CACNB1: variants seen among roughly 807,000 people sequenced by gnomAD.
CACNB1 encodes calcium voltage-gated channel auxiliary subunit beta 1.
A neutral mutation model predicts 71.6 loss-of-function variants in CACNB1; 29 were observed. The observed-to-expected ratio is 0.40, with a 90% CI of 0.30 to 0.55. The LOEUF (loss-of-function observed/expected upper bound fraction) is 0.55. Among genes scored for constraint, CACNB1 ranks in the 20% least tolerant of loss-of-function variants. The pLI is 0.38. For missense variants in CACNB1, 623 were observed against 801.8 expected (o/e 0.78, Z 2.69); for synonymous variants, 300 against 319.6 (o/e 0.94, Z 0.65).
chr17:39,184,437 C>T (rs574533699), intron 8 of CACNB1, 54 bp from the exon 9 acceptor site: 9 of 985,782 alleles, frequency 9.1e-6, no homozygotes, highest in South Asian at 6.9e-5. Context: ...CATTTAAAGC[C>T]GCTCAGACTC....
rs1266261156 is a variant in CACNB1, at chr17:39,194,681, G to A, written c.171+203C>T. ...GGTGCCTGGTGCTGGGGGAGGGGCC[G>A]GGCAGGGGCGGGGGCTGAGCGAGTG... On this transcript the variant is annotated intron_variant, in intron 2 of 13. Transcript: ENST00000394303. The surrounding 1 kb of genome is among the most constrained non-coding windows in gnomAD (Gnocchi z 4.6). Among the ~76,000 whole-genome samples, 2 of 152,050 alleles carry A rather than the reference G, an allele frequency of 1.3e-5. No homozygotes were observed. The highest frequency in any genetic ancestry group is 4.8e-5 in the African/African-American group (2 of 41,394).
At chr17:39,177,171 T>C in intron 13 of CACNB1, 179 bp downstream of exon 13, 1 of 1,443,268 alleles carries the variant, frequency 6.9e-7, no homozygotes, top group Non-Finnish European at 9.1e-7. Flanking sequence ...AATAAAGCTC[T>C]TCCCTTCCTC....
At position 39,186,382 on chromosome 17, in the gene CACNB1, G is replaced by C. The variant is rs528189712; in HGVS notation, c.628+114C>G. On this transcript the variant is annotated intron_variant, in intron 6 of 13. Transcript: ENST00000394303. This position sits in a 1 kb window ranked among gnomAD's most constrained non-coding sequence, Gnocchi z 4.1. ...GGAGGGGGAACCACTGCATGTGCTT[G>C]GGGGACTCAGGATTGGGGTGTTTCC... is the stretch of plus-strand genomic sequence containing the variant. 7 of 753,534 alleles carry C rather than the reference G, an allele frequency of 9.3e-6. No individual in the cohort carries two copies. Among genetic ancestry groups the C allele is most frequent in the Non-Finnish European group, 1.5e-5 (7 of 452,016 alleles). 46.7% of individuals were successfully genotyped at this position (753,534 alleles called of 1,614,324 possible). A position where few individuals can be genotyped will look rare whatever the true frequency, so the allele number is the denominator to read the frequency against.
In CACNB1 at chr17:39,174,981, C is replaced by T. The variant is rs1454945065; in HGVS notation, c.*212G>A. ...GAAAGGTGGGTATCCCCCATCCATCCACAACAGGCAGGTAAAAACCGACAG... is the reference window on the plus strand; with the variant it reads ...GAAAGGTGGGTATCCCCCATCCATCTACAACAGGCAGGTAAAAACCGACAG... On this transcript the variant is annotated 3_prime_UTR_variant, in exon 14 of 14. Transcript: ENST00000394303. The T allele has an allele frequency of 5.2e-6, 3 of 581,390 alleles. No homozygotes were observed. Among genetic ancestry groups the T allele is most frequent in the Admixed American group, 3.2e-5 (1 of 31,550 alleles). 36.0% of individuals were successfully genotyped at this position (581,390 alleles called of 1,614,324 possible).
chr17:39,181,444 C>G (rs1370644804), intron 11 of CACNB1, among the ~76,000 whole-genome samples: 1 of 152,064 alleles, frequency 6.6e-6, no homozygotes, highest in Non-Finnish European at 1.5e-5. Context: ...CTTCACAAAC[C>G]CAGTATGCCT....
chr17:39,193,648 C>T (rs898343967), intron 2 of CACNB1: 4 of 269,240 alleles, frequency 1.5e-5, no homozygotes, highest in African/African-American at 7.1e-5. Flanking sequence ...CACCACCTAC[C>T]GGGGATCAGA....
At position 39,195,814 on chromosome 17, in the gene CACNB1, T is replaced by A. The variant is rs565000089; in HGVS notation, c.85-844A>T. Among the ~76,000 whole-genome samples, 15 of 152,156 alleles carry A rather than the reference T, an allele frequency of 9.9e-5. No homozygotes were observed. The East Asian group carries it at 2.3e-3, about 24-fold the overall frequency. On this transcript the variant is annotated intron_variant, in intron 1 of 13. Coordinates refer to ENST00000394303, the MANE Select transcript of CACNB1 (RefSeq NM_000723.5). ...CATGGTACCCATCAGGCTACGTCAA[T>A]CTAAATGTCCCTCGGCCCCGCACCA... is the stretch of plus-strand genomic sequence containing the variant.
At chr17:39,185,193 G>A (rs1171456844) in intron 6 of CACNB1, 43 bp from the exon 7 acceptor site, 11 of 1,543,490 alleles carry the variant, frequency 7.1e-6, no homozygotes, top group Non-Finnish European at 9.9e-6. Flanking sequence ...GGAGGAGAGA[G>A]GGAAGGGGAC....
chr17:39,178,278 C>G (rs2045641758), intron 11 of CACNB1, 199 bp from the exon 12 acceptor site: 2 of 498,486 alleles, frequency 4.0e-6, no homozygotes, highest in Admixed American at 6.7e-5. Flanking sequence ...CTCAGGCTCT[C>G]TCCTGGTGTT....
At chr17:39,176,514 C>T (rs188823443) in intron 13 of CACNB1, among the ~76,000 whole-genome samples, 16 of 152,236 alleles carry the variant, frequency 1.1e-4, no homozygotes, top group African/African-American at 3.6e-4. Flanking sequence ...TCAGGGGTCC[C>T]CATGGAGGTG....
chr17:39,190,193 A>AAG (rs1160777208), intron 3 of CACNB1, among the ~76,000 whole-genome samples: 1 of 151,996 alleles, frequency 6.6e-6, no homozygotes, highest in Non-Finnish European at 1.5e-5. Context: ...AGGCCGAGGC[A>AAG]GGAGGATCAC....
Position 39,175,567 on chromosome 17 carries a change from G to C in CACNB1, c.1423C>G (p.Pro475Ala), listed in dbSNP as rs2045557554. 6.2e-7 allele frequency: 1 copy of C among 1,612,922 alleles called. No homozygotes were observed. The highest frequency in any genetic ancestry group is 2.2e-5 in the East Asian group (1 of 44,860). Residue 475 changes from proline (P) to alanine (A), a missense_variant, in exon 14 of 14, where the codon CCC becomes GCC. Coordinates refer to ENST00000394303, the MANE Select transcript of CACNB1 (RefSeq NM_000723.5). The surrounding 1 kb of genome is among the most constrained non-coding windows in gnomAD (Gnocchi z 4.7). ...MHEYPGELGQ[P>A]PGLYPSSHPP... ...TGGCTGCTGGGGTAAAGGCCTGGGG[G>C]CTGGCCCAGCTCCCCTGGGTACTCG...
At position 39,190,348 on chromosome 17, in the gene CACNB1, G is replaced by T. The variant is rs192358367; in HGVS notation, c.291+1126C>A. Among the ~76,000 whole-genome samples, 630 of 152,304 alleles carry T rather than the reference G, an allele frequency of 4.1e-3. 4 individuals carry two copies. The highest frequency in any genetic ancestry group is 0.014 in the African/African-American group (595 of 41,570). ...AGATGGGAGGTCAAGGCTCCAGTGA[G>T]CTGTGATCACGCCGCTACACTCAGC... is the stretch of plus-strand genomic sequence containing the variant. On this transcript the variant is annotated intron_variant, in intron 3 of 13. Coordinates refer to ENST00000394303, the MANE Select transcript of CACNB1 (RefSeq NM_000723.5).
chr17:39,184,196 C>T, intron 9 of CACNB1, 56 bp from the exon 10 acceptor site: 1 of 1,354,180 alleles, frequency 7.4e-7, no homozygotes, highest in Non-Finnish European at 1.1e-6. Flanking sequence ...AATGCCCTGC[C>T]CACTCCCCAG....
At chr17:39,182,534 A>C (rs942848519) in intron 11 of CACNB1, among the ~76,000 whole-genome samples, 1 of 151,608 alleles carries the variant, frequency 6.6e-6, no homozygotes, top group African/African-American at 2.4e-5. Flanking sequence ...CCCTGTCTCT[A>C]CTAAAAAATA....
chr17:39,186,210 A>T lies in CACNB1; in HGVS notation c.628+286T>A. ...AGAACGCAGGGATGGGGATGGGGAA[A>T]AAAGAAAGAAGAAGAGGTGAATGGA... On this transcript the variant is annotated intron_variant, in intron 6 of 13. Transcript: ENST00000394303. The surrounding 1 kb of genome is among the most constrained non-coding windows in gnomAD (Gnocchi z 4.1). 1 of 948,180 alleles carries T rather than the reference A, an allele frequency of 1.1e-6. No individual in the cohort carries two copies. The highest frequency in any genetic ancestry group is 1.5e-5 in the South Asian group (1 of 65,038). The allele number at this position is 948,180 out of a possible 1,614,324, so 58.7% of individuals were successfully genotyped here. A position where few individuals can be genotyped will look rare whatever the true frequency, so the allele number is the denominator to read the frequency against.
intron 6 of CACNB1, chr17:39,185,981 G>C (rs1339333253): frequency 6.2e-7 from 1 of 1,613,410 alleles, no homozygotes; most frequent in East Asian, 2.2e-5. Flanking sequence ...TTTGCCATGG[G>C]GTGGCGGGGT....
rs759808280 is a variant in CACNB1 at position 39,187,616 on chromosome 17, C to T, written c.292-15G>A. 1.9e-6 allele frequency: 3 copies of T among 1,613,948 alleles called. No individual in the cohort carries two copies. The highest frequency in any genetic ancestry group is 2.5e-6 in the Non-Finnish European group (3 of 1,179,954). ...ACTGGCTTGGTCTAGAGGAGGCACA[C>T]AGGGGAGGATGGCAACTAGAGGGCA... is the stretch of plus-strand genomic sequence containing the variant. On this transcript the variant is annotated splice_polypyrimidine_tract_variant and intron_variant, in intron 3 of 13. Coordinates refer to ENST00000394303, the MANE Select transcript of CACNB1 (RefSeq NM_000723.5).
chr17:39,194,816 C>A lies in CACNB1; in HGVS notation c.171+68G>T. 9.1e-7 allele frequency: 1 copy of A among 1,098,864 alleles called. No homozygotes were observed. Among genetic ancestry groups the A allele is most frequent in the Non-Finnish European group, 1.4e-6 (1 of 730,970 alleles). The allele number at this position is 1,098,864 out of a possible 1,614,324, so 68.1% of individuals were successfully genotyped here. On this transcript the variant is annotated intron_variant, in intron 2 of 13. Transcript: ENST00000394303. The surrounding 1 kb of genome is among the most constrained non-coding windows in gnomAD (Gnocchi z 4.6). The stretch of plus-strand genomic sequence containing the variant: ...AAGGGTGCCTGGACAATACCGCAGA[C>A]CTGGCTCACCAATGCTGGTCTCCAC...
Sources: allele counts gnomAD v4.1 joint callset (sites outside exome capture counted in the v4.1 genomes callset), GRCh38; gene constraint gnomAD v4.1.1; non-coding constraint Gnocchi (gnomAD v3.1); transcripts MANE v1.5; gene names NCBI Gene and HGNC (gene_info 2026-07-23, HGNC 2026-07-21).